The following FOXP1 variants were observed in gnomAD, a reference collection of about 807,000 sequenced individuals.
FOXP1 encodes the protein forkhead box P1, also known as forkhead box protein P1.
In FOXP1, 15 loss-of-function variants were observed where a neutral mutation model predicts 98.2. The ratio of observed to expected loss-of-function variants is 0.15; its 90% confidence interval spans 0.10 to 0.24. The LOEUF (loss-of-function observed/expected upper bound fraction) is 0.24, where lower values mean the gene tolerates loss of function less well. FOXP1 is among the 10% of genes least tolerant of loss of function. FOXP1 has a pLI of 1.00. For synonymous variants in FOXP1, 371 were observed against 314.5 expected, an observed-to-expected ratio of 1.18 and a Z score of -1.90; for missense variants, 633 against 848.5, an observed-to-expected ratio of 0.75 and a Z score of 3.15.
At chr3:71,392,591 T>C (rs2081110969) in intron 3 of FOXP1, among the ~76,000 whole-genome samples, 1 of 152,236 alleles carries the variant, frequency 6.6e-6, no homozygotes. Context: ...GAAACCAGCC[T>C]TTAAAGCCAC....
intron 6 of FOXP1, among the ~76,000 whole-genome samples, chr3:71,127,454 A>T (rs1016431225): frequency 1.3e-5 from 2 of 152,238 alleles, no homozygotes; most frequent in Non-Finnish European, 2.9e-5. Flanking sequence ...CTTTAAAAAA[A>T]ATACATCCTT....
chr3:71,449,517 G>C (rs1280247261), intron 3 of FOXP1, among the ~76,000 whole-genome samples: 3 of 152,140 alleles, frequency 2.0e-5, no homozygotes, highest in Admixed American at 6.5e-5. Flanking sequence ...GAGCAGCCCA[G>C]GCAAAGGACT....
chr3:71,296,289 T>C (rs1286851037), intron 5 of FOXP1: 1 of 152,248 alleles, frequency 6.6e-6, no homozygotes, highest in Non-Finnish European at 1.5e-5. Flanking sequence ...ACATGCTTCT[T>C]GCAGTGTGAA....
chr3:71,263,622 C>T (rs1413730723), intron 5 of FOXP1, among the ~76,000 whole-genome samples: 2 of 152,196 alleles, frequency 1.3e-5, no homozygotes, highest in African/African-American at 2.4e-5. Context: ...TCCACCTACT[C>T]AAGTTCCAGC....
At chr3:71,447,285 G>A (rs1346253334) in intron 3 of FOXP1, among the ~76,000 whole-genome samples, 1 of 152,144 alleles carries the variant, frequency 6.6e-6, no homozygotes, top group Admixed American at 6.5e-5. Flanking sequence ...ATGTTTCCAG[G>A]CCCCTCTGCC....
intron 2 of FOXP1, among the ~76,000 whole-genome samples, chr3:71,502,677 T>C (rs1426871330): frequency 1.3e-5 from 2 of 152,178 alleles, no homozygotes; most frequent in East Asian, 3.8e-4. Flanking sequence ...ATAATGATGA[T>C]GTTACTAAAA....
At chr3:71,141,298 C>A (rs2060060039) in intron 6 of FOXP1, among the ~76,000 whole-genome samples, 1 of 149,908 alleles carries the variant, frequency 6.7e-6, no homozygotes, top group Non-Finnish European at 1.5e-5. Context: ...AAACTGTGAT[C>A]CAAACATCAG....
chr3:71,080,068 C>G (rs1417640581), intron 7 of FOXP1, among the ~76,000 whole-genome samples: 3 of 152,212 alleles, frequency 2.0e-5, no homozygotes, highest in African/African-American at 7.2e-5. Flanking sequence ...TTGTGAATCA[C>G]TAGTATGGAC....
intron 2 of FOXP1, among the ~76,000 whole-genome samples, chr3:71,521,605 A>G (rs898338213): frequency 6.6e-6 from 1 of 152,078 alleles, no homozygotes; most frequent in African/African-American, 2.4e-5. Context: ...TTGTAAATCA[A>G]TGACCTGAGA....
At position 71,525,148 on chromosome 3, in the gene FOXP1, T is replaced by C. The variant is rs371247171; in HGVS notation, c.-297-31593A>G. Among the ~76,000 whole-genome samples the C allele has an allele frequency of 5.9e-5, 9 of 152,328 alleles. No individual in the cohort carries two copies. In the East Asian group the frequency reaches 1.2e-3, roughly 20 times the overall value. ...ACAATAATATCTAATTTTATCTAAA[T>C]GAATTTTCATGAAAGTGCGCCACAC... is the stretch of plus-strand genomic sequence containing the variant. On this transcript the variant is annotated intron_variant, in intron 2 of 20. Transcript: ENST00000649528.
intron 3 of FOXP1, among the ~76,000 whole-genome samples, chr3:71,386,741 C>CAGAAAAA (rs71621940): frequency 1.1e-5 from 1 of 90,976 alleles, no homozygotes; most frequent in African/African-American, 4.7e-5. Flanking sequence ...GATTCCGTCT[C>CAGAAAAA]AAAAAAAAAA....
At chr3:71,474,831 G>A (rs2089679874) in intron 3 of FOXP1, among the ~76,000 whole-genome samples, 1 of 152,002 alleles carries the variant, frequency 6.6e-6, no homozygotes, top group Admixed American at 6.6e-5. Flanking sequence ...AAAATAAAGT[G>A]CAGAATAAAT....
intron 11 of FOXP1, among the ~76,000 whole-genome samples, chr3:71,040,919 T>C (rs1171445237): frequency 1.3e-5 from 2 of 152,066 alleles, no homozygotes; most frequent in East Asian, 3.9e-4. Context: ...TAGAGTAACA[T>C]AAGTTCTATG....
At chr3:71,549,228 C>A (rs1268281810) in intron 2 of FOXP1, among the ~76,000 whole-genome samples, 1 of 152,160 alleles carries the variant, frequency 6.6e-6, no homozygotes, top group East Asian at 1.9e-4. Context: ...ACTAACACAA[C>A]CGAAAGAATG....
intron 2 of FOXP1, among the ~76,000 whole-genome samples, chr3:71,516,346 A>C (rs200433027): frequency 6.6e-6 from 1 of 152,162 alleles, no homozygotes; most frequent in East Asian, 1.9e-4. Context: ...AAAAGAATGA[A>C]AAACAAATGG....
intron 9 of FOXP1, among the ~76,000 whole-genome samples, chr3:71,047,475 G>A (rs2049186319): frequency 6.6e-6 from 1 of 152,218 alleles, no homozygotes; most frequent in Non-Finnish European, 1.5e-5. Flanking sequence ...CCTTTGAGGT[G>A]TAAAAGAACA....
Position 71,449,281 on chromosome 3 carries a change from C to T in FOXP1, c.-168+44145G>A, listed in dbSNP as rs752062318. On this transcript the variant is annotated intron_variant, in intron 3 of 20. Coordinates refer to ENST00000649528, the MANE Select transcript of FOXP1 (RefSeq NM_001349338.3). ...CAAAATTTAGGGAGGCACTAGCTCT[C>T]AGGATCGTCCAAGTTCAAGATCAGC... Among the ~76,000 whole-genome samples, 174 of 152,262 alleles carry T rather than the reference C, an allele frequency of 1.1e-3. 4 individuals carry two copies. The highest frequency in any genetic ancestry group is 6.8e-3 in the Middle Eastern group (2 of 294).
chr3:71,558,256 T>C (rs2046280034), intron 2 of FOXP1, among the ~76,000 whole-genome samples: 1 of 152,162 alleles, frequency 6.6e-6, no homozygotes. Context: ...GAAGGAAACC[T>C]TCCTCTGACT....
intron 3 of FOXP1, among the ~76,000 whole-genome samples, chr3:71,437,564 T>A (rs1330698474): frequency 6.6e-6 from 1 of 152,058 alleles, no homozygotes; most frequent in Non-Finnish European, 1.5e-5. Flanking sequence ...GGGAGCAGAA[T>A]GAGGTCCCAT....
Sources: gnomAD v4.1 joint callset for allele counts (sites outside exome capture counted in the v4.1 genomes callset) on GRCh38, gnomAD v4.1.1 for gene constraint, MANE v1.5 for transcripts, NCBI Gene and HGNC (gene_info 2026-07-23, HGNC 2026-07-21) for gene names.